MYO3B: variants seen among roughly 807,000 people sequenced by gnomAD.
MYO3B encodes the protein myosin IIIB.
In MYO3B, 156 loss-of-function variants were observed where a neutral mutation model predicts 174.6. The observed-to-expected ratio is 0.89, with a 90% CI of 0.78 to 1.02. The LOEUF (loss-of-function observed/expected upper bound fraction) is 1.02, where lower values mean the gene tolerates loss of function less well. Among genes scored for constraint, MYO3B ranks in the 50% least tolerant of loss-of-function variants. MYO3B has a pLI of 0.00. For synonymous variants in MYO3B, 563 were observed against 569.1 expected (o/e 0.99, Z 0.15); for missense variants, 1,632 against 1,639.4 (o/e 1.00, Z 0.08).
At chr2:170,495,645 A>G (rs904951479) in intron 25 of MYO3B, among the ~76,000 whole-genome samples, 10 of 152,042 alleles carry the variant, frequency 6.6e-5, no homozygotes, top group African/African-American at 2.4e-4. Context: ...GAACTGGAAC[A>G]TATCTTACAC....
chr2:170,302,265 A>G (rs2093670803), intron 7 of MYO3B, among the ~76,000 whole-genome samples: 1 of 152,208 alleles, frequency 6.6e-6, no homozygotes, highest in African/African-American at 2.4e-5. Flanking sequence ...TTACTCCACA[A>G]GGCATTTTCT....
intron 32 of MYO3B, among the ~76,000 whole-genome samples, chr2:170,625,919 C>T (rs2105355019): frequency 6.6e-6 from 1 of 152,264 alleles, no homozygotes; most frequent in South Asian, 2.1e-4. Flanking sequence ...GTCTGAGAGA[C>T]AGTTTGTTAT....
At chr2:170,499,414 G>A (rs140993434) in intron 26 of MYO3B, among the ~76,000 whole-genome samples, 25 of 152,252 alleles carry the variant, frequency 1.6e-4, no homozygotes, top group East Asian at 1.2e-3. Flanking sequence ...ATTTGGAATC[G>A]CTTAAACCCT....
At chr2:170,388,963 C>G (rs1019999776) in intron 14 of MYO3B, among the ~76,000 whole-genome samples, 9 of 152,088 alleles carry the variant, frequency 5.9e-5, no homozygotes, top group Non-Finnish European at 1.2e-4. Flanking sequence ...TTTTGTCTCC[C>G]CAGGTTAGGG....
chr2:170,269,578 T>A (rs2093411916), intron 7 of MYO3B, among the ~76,000 whole-genome samples: 1 of 152,194 alleles, frequency 6.6e-6, no homozygotes, highest in Non-Finnish European at 1.5e-5. Context: ...AAAAATACAC[T>A]TGGCACACTT....
At chr2:170,419,419 A>C (rs1007364734) in intron 22 of MYO3B, among the ~76,000 whole-genome samples, 4 of 152,178 alleles carry the variant, frequency 2.6e-5, no homozygotes, top group African/African-American at 7.2e-5. Flanking sequence ...TAATAAGGAC[A>C]CCAGTCATAA....
At chr2:170,296,253 G>T (rs1353646026) in intron 7 of MYO3B, among the ~76,000 whole-genome samples, 1 of 152,134 alleles carries the variant, frequency 6.6e-6, no homozygotes, top group Non-Finnish European at 1.5e-5. Flanking sequence ...CCAACCTAAG[G>T]CTTAGCTGAA....
At chr2:170,239,915 A>C (rs924230102) in intron 7 of MYO3B, among the ~76,000 whole-genome samples, 1 of 151,530 alleles carries the variant, frequency 6.6e-6, no homozygotes. Flanking sequence ...GCAGGGCCAC[A>C]CTCCCTTTGA....
At chr2:170,613,808 C>T (rs925660026) in intron 32 of MYO3B, among the ~76,000 whole-genome samples, 2 of 152,290 alleles carry the variant, frequency 1.3e-5, no homozygotes, top group South Asian at 2.1e-4. Context: ...CCACATCTTT[C>T]ACCCATGCTG....
intron 23 of MYO3B, among the ~76,000 whole-genome samples, chr2:170,454,088 G>A (rs1318612160): frequency 6.6e-6 from 1 of 152,184 alleles, no homozygotes; most frequent in Non-Finnish European, 1.5e-5. Context: ...ACACAACAAA[G>A]ACAAGATGGA....
At chr2:170,600,728 T>G (rs190462663) in intron 32 of MYO3B, among the ~76,000 whole-genome samples, 12 of 152,298 alleles carry the variant, frequency 7.9e-5, no homozygotes, top group African/African-American at 2.6e-4. Context: ...TGGTGATACA[T>G]TCTCAGGTCT....
chr2:170,424,397 T>TCC lies in MYO3B; in HGVS notation c.2650+16554_2650+16555insCC, dbSNP rs2094644240. 1.6e-4 allele frequency among the ~76,000 whole-genome samples: 24 copies of TCC among 152,252 alleles called. No homozygotes were observed. The South Asian group carries it at 5.0e-3, about 32-fold the overall frequency. On this transcript the variant is annotated intron_variant, in intron 22 of 34. Coordinates refer to ENST00000408978, the MANE Select transcript of MYO3B (RefSeq NM_138995.5). ...ACTTTGGGAGGCCGAGGTGCATGGATCACAAGGTCAAGAGTTTGAGACCAG... is the reference window on the plus strand; with the variant it reads ...ACTTTGGGAGGCCGAGGTGCATGGATCCCACAAGGTCAAGAGTTTGAGACCAG...
chr2:170,401,796 C>CTTTTTTTTTTTTTTTTTTTTT lies in MYO3B; in HGVS notation c.2129+110_2129+111insTTTTTTTTTTTTTTTTTTTTT. ...TTTGGTCCTCTCTGGGATTTTCTTT[C>CTTTTTTTTTTTTTTTTTTTTT]TTTTTCTTTTTTTTTTTTTTTGTGG... On this transcript the variant is annotated intron_variant, in intron 18 of 34. Transcript: ENST00000408978. 28 of 794,428 alleles carry CTTTTTTTTTTTTTTTTTTTTT rather than the reference C, an allele frequency of 3.5e-5. No homozygotes were observed. The African/African-American group carries it at 5.2e-4, about 15-fold the overall frequency. The allele number at this position is 794,428 out of a possible 1,614,324, so 49.2% of individuals were successfully genotyped here.
chr2:170,536,327 G>A (rs1295141711), intron 30 of MYO3B, among the ~76,000 whole-genome samples: 1 of 152,172 alleles, frequency 6.6e-6, no homozygotes, highest in African/African-American at 2.4e-5. Context: ...TTATCCTTGA[G>A]CCATGTTCTA....
At chr2:170,231,148 C>T (rs960945882) in intron 6 of MYO3B, among the ~76,000 whole-genome samples, 1 of 152,164 alleles carries the variant, frequency 6.6e-6, no homozygotes, top group Non-Finnish European at 1.5e-5. Flanking sequence ...GTGGTTTCAT[C>T]CCATAGATTC....
intron 28 of MYO3B, among the ~76,000 whole-genome samples, chr2:170,510,671 TGAAGGCACAAAGAAGAACTCCAAAAA>T (rs1454715888): frequency 1.4e-5 from 1 of 71,272 alleles, no homozygotes; most frequent in Non-Finnish European, 2.8e-5. Context: ...ACATGCCATG[TGAAGGCACAAAGAAGAACTCCAAAAA>T]GTTCCCTTAT....
chr2:170,264,214 C>T (rs187626260), intron 7 of MYO3B, among the ~76,000 whole-genome samples: 1 of 152,354 alleles, frequency 6.6e-6, no homozygotes, highest in East Asian at 1.9e-4. Context: ...TCTACATAGA[C>T]ACAGTAACAG....
chr2:170,634,592 T>C (rs1697302405), intron 32 of MYO3B, among the ~76,000 whole-genome samples: 1 of 152,176 alleles, frequency 6.6e-6, no homozygotes, highest in African/African-American at 2.4e-5. Flanking sequence ...GCAAAAGCAA[T>C]GGCAACAAAA....
chr2:170,337,379 A>G (rs2093952747), intron 8 of MYO3B, among the ~76,000 whole-genome samples: 1 of 152,168 alleles, frequency 6.6e-6, no homozygotes, highest in African/African-American at 2.4e-5. Flanking sequence ...CTGTTGTCCT[A>G]GAAAAATCCA....
Sources: gnomAD v4.1 joint callset for allele counts (sites outside exome capture counted in the v4.1 genomes callset) on GRCh38, gnomAD v4.1.1 for gene constraint, MANE v1.5 for transcripts, NCBI Gene and HGNC (gene_info 2026-07-23, HGNC 2026-07-21) for gene names.